Variants in DLGAP1 observed in about 807,000 individuals in gnomAD.
The protein encoded by DLGAP1 is DLG associated protein 1.
In DLGAP1, 11 loss-of-function variants were observed where a neutral mutation model predicts 90.8. That is an observed-to-expected ratio of 0.12 (90% confidence interval 0.08 to 0.20). The LOEUF (loss-of-function observed/expected upper bound fraction) is 0.20, where lower values mean the gene tolerates loss of function less well. Ranked by LOEUF, DLGAP1 falls within the 10% of genes least tolerant of loss-of-function variation. The pLI is 1.00. For missense variants in DLGAP1, 1,050 were observed against 1,333.8 expected, an observed-to-expected ratio of 0.79 and a Z score of 3.31; for synonymous variants, 558 against 540.7, an observed-to-expected ratio of 1.03 and a Z score of -0.44.
At chr18:3,604,145 G>GC in intron 7 of DLGAP1, 1 of 152,618 alleles carries the variant, frequency 6.6e-6, no homozygotes, top group East Asian at 1.9e-4. Flanking sequence ...GTGGCTGAAT[G>GC]AACAGCTGGG....
chr18:3,781,265 G>A (rs2148125088), intron 5 of DLGAP1, among the ~76,000 whole-genome samples: 1 of 151,804 alleles, frequency 6.6e-6, no homozygotes, highest in Admixed American at 6.5e-5. Flanking sequence ...ATTATTTTTA[G>A]CAGTTGCACA....
At chr18:4,226,538 T>TA (rs1321164496) in intron 1 of DLGAP1, among the ~76,000 whole-genome samples, 2 of 151,644 alleles carry the variant, frequency 1.3e-5, no homozygotes, top group African/African-American at 4.8e-5. Context: ...AACAAAAAGT[T>TA]AAAAAGTGTG....
chr18:3,517,709 C>A lies in DLGAP1; in HGVS notation c.2480-9048G>T, dbSNP rs2050926808. ...GCGCATGCCTGTAATCCCAGCTACT[C>A]AGGAGGCTGAGGCAGGAGAATCACT... On this transcript the variant is annotated intron_variant, in intron 10 of 12. Coordinates refer to ENST00000315677, the MANE Select transcript of DLGAP1 (RefSeq NM_004746.4). The surrounding 1 kb of genome is among the most constrained non-coding windows in gnomAD (Gnocchi z 4.1). Among the ~76,000 whole-genome samples the A allele has an allele frequency of 6.6e-6, 1 of 151,762 alleles. No individual in the cohort carries two copies. Among genetic ancestry groups the A allele is most frequent in the African/African-American group, 2.4e-5 (1 of 41,304 alleles).
At position 3,534,176 on chromosome 18, in the gene DLGAP1, CGTG is replaced by C; in HGVS notation, c.2479+15_2479+17del. On this transcript the variant is annotated intron_variant, in intron 10 of 12. Coordinates refer to ENST00000315677, the MANE Select transcript of DLGAP1 (RefSeq NM_004746.4). ...CCAGCCCCAGGGGACGGGTGTGGCA[CGTG>C]GTGGCATTACTTACTGTCTTCGGGC... The C allele has an allele frequency of 6.2e-7, 1 of 1,603,222 alleles. No homozygotes were observed. Among genetic ancestry groups the C allele is most frequent in the Non-Finnish European group, 8.5e-7 (1 of 1,173,998 alleles).
At chr18:3,796,649 A>C (rs954161358) in intron 5 of DLGAP1, among the ~76,000 whole-genome samples, 1 of 152,206 alleles carries the variant, frequency 6.6e-6, no homozygotes, top group Non-Finnish European at 1.5e-5. Context: ...ACCTGTCAGT[A>C]ACAGCCGCTT....
chr18:4,413,396 C>G lies in DLGAP1; in HGVS notation c.-267+41610G>C, dbSNP rs113728163. Among the ~76,000 whole-genome samples the G allele has an allele frequency of 6.4e-4, 98 of 152,294 alleles. 1 individual carries two copies. Among genetic ancestry groups the G allele is most frequent in the African/African-American group, 2.3e-3 (95 of 41,576 alleles). ...TCTCCAAGAGAGAGATGGTCAAGGC[C>G]TGGCCCCCTTGCTCATTTGTGCCAT... On this transcript the variant is annotated intron_variant, in intron 1 of 12. Transcript: ENST00000315677.
At chr18:3,831,684 G>A (rs572831081) in intron 4 of DLGAP1, among the ~76,000 whole-genome samples, 2 of 152,260 alleles carry the variant, frequency 1.3e-5, no homozygotes, top group South Asian at 4.1e-4. Flanking sequence ...GCTAATAAGT[G>A]GCAGAACTGG....
chr18:3,878,426 C>T (rs1322884292), intron 4 of DLGAP1: 1 of 152,172 alleles, frequency 6.6e-6, no homozygotes, highest in African/African-American at 2.4e-5. Flanking sequence ...GTGGGATTTA[C>T]ATGCTGACAC....
chr18:4,217,333 T>C (rs538715392), intron 1 of DLGAP1, among the ~76,000 whole-genome samples: 23 of 152,286 alleles, frequency 1.5e-4, no homozygotes, highest in African/African-American at 5.3e-4. Flanking sequence ...ATAATGCTGA[T>C]ATAAATATTC....
At chr18:3,611,288 C>A (rs1217175141) in intron 7 of DLGAP1, among the ~76,000 whole-genome samples, 2 of 152,068 alleles carry the variant, frequency 1.3e-5, no homozygotes, top group Admixed American at 6.6e-5. Context: ...CATCCCAGGC[C>A]CGCATCCCCC....
intron 2 of DLGAP1, among the ~76,000 whole-genome samples, chr18:4,059,950 C>T (rs901621623): frequency 6.6e-6 from 1 of 152,142 alleles, no homozygotes; most frequent in African/African-American, 2.4e-5. Flanking sequence ...TCAGAATACC[C>T]TCCCAGGTAA....
intron 1 of DLGAP1, among the ~76,000 whole-genome samples, chr18:4,209,277 GC>G (rs1345144589): frequency 6.6e-6 from 1 of 152,148 alleles, no homozygotes; most frequent in Non-Finnish European, 1.5e-5. Context: ...CTGAACTGGA[GC>G]CATGCAAAGA....
intron 5 of DLGAP1, among the ~76,000 whole-genome samples, chr18:3,777,834 G>A (rs9965544): frequency 6.6e-6 from 1 of 152,138 alleles, no homozygotes; most frequent in Non-Finnish European, 1.5e-5. Context: ...TGACCCCTCA[G>A]ATATTAAGAG....
chr18:3,792,690 ACAC>A (rs1198154058), intron 5 of DLGAP1, among the ~76,000 whole-genome samples: 1 of 152,100 alleles, frequency 6.6e-6, no homozygotes, highest in African/African-American at 2.4e-5. Flanking sequence ...ATCTGCGGCC[ACAC>A]CTCACCATAC....
At chr18:3,588,310 T>G (rs2056014063) in intron 7 of DLGAP1, among the ~76,000 whole-genome samples, 1 of 151,720 alleles carries the variant, frequency 6.6e-6, no homozygotes, top group South Asian at 2.1e-4. Context: ...AAATACAAAA[T>G]TAGTCAGGCG....
chr18:3,741,699 C>T (rs1039001003), intron 6 of DLGAP1, among the ~76,000 whole-genome samples: 2 of 152,204 alleles, frequency 1.3e-5, no homozygotes, highest in African/African-American at 4.8e-5. Flanking sequence ...CCTTGATGAT[C>T]ACAGTGTCTT....
At position 3,782,585 on chromosome 18, in the gene DLGAP1, AG is replaced by A. The variant is rs1192217534; in HGVS notation, c.1172+31473del. Among the ~76,000 whole-genome samples the A allele has an allele frequency of 2.6e-5, 4 of 152,224 alleles. No homozygotes were observed. The South Asian group carries it at 6.2e-4, about 24-fold the overall frequency. ...TAGAATGGCCCAAGTTTTTCTGGGT[AG>A]GGGGAAGAAAATGCAATGGCAATGA... On this transcript the variant is annotated intron_variant, in intron 5 of 12. Transcript: ENST00000315677.
chr18:4,402,656 TTTAA>T (rs1299001287), intron 1 of DLGAP1, among the ~76,000 whole-genome samples: 2 of 152,184 alleles, frequency 1.3e-5, no homozygotes, highest in Non-Finnish European at 2.9e-5. Context: ...GTATTGCTTT[TTTAA>T]TTATTAAAAA....
intron 1 of DLGAP1, among the ~76,000 whole-genome samples, chr18:4,198,592 C>T (rs1055311541): frequency 4.6e-5 from 7 of 152,066 alleles, no homozygotes; most frequent in Non-Finnish European, 8.8e-5. Context: ...TTTTTAATCT[C>T]GAAAATGAAA....
Sources: allele counts gnomAD v4.1 joint callset (sites outside exome capture counted in the v4.1 genomes callset), GRCh38; gene constraint gnomAD v4.1.1; non-coding constraint Gnocchi (gnomAD v3.1); transcripts MANE v1.5; gene names NCBI Gene and HGNC (gene_info 2026-07-23, HGNC 2026-07-21).